PGBD2: variants seen among roughly 807,000 people sequenced by gnomAD.
PGBD2 encodes piggyBac transposable element derived 2.
Under a neutral mutation model 8.1 loss-of-function variants are expected in PGBD2, and 6 were observed. That is an observed-to-expected ratio of 0.74 (90% CI 0.40 to 1.46). The LOEUF (loss-of-function observed/expected upper bound fraction) is 1.46. Ranked by LOEUF, PGBD2 falls within the 40% of genes most tolerant of loss-of-function variation. PGBD2 has a pLI of 0.02. For missense variants in PGBD2, 802 were observed against 739.0 expected (o/e 1.09, Z -0.99); for synonymous variants, 318 against 272.2 (o/e 1.17, Z -1.66).
chr1:248,899,681 CTA>C, the PGBD2 span, among the ~76,000 whole-genome samples: 1 of 151,202 alleles, frequency 6.6e-6, no homozygotes, highest in Non-Finnish European at 1.5e-5. Context: ...AAATAAAAAA[CTA>C]TCCCCAAAGC....
At chr1:248,904,403 T>C (rs895193802), upstream of PGBD2, among the ~76,000 whole-genome samples, 3 of 152,188 alleles carry the variant, frequency 2.0e-5, no homozygotes, top group Admixed American at 6.5e-5. Flanking sequence ...GCACTGAAAA[T>C]GTCTAGATGG....
intron 1 of PGBD2, chr1:248,912,894 C>T (rs1661957770): frequency 6.6e-6 from 1 of 151,326 alleles, no homozygotes; most frequent in Admixed American, 6.6e-5. Flanking sequence ...ACCTCGCCTC[C>T]TGGGTTCCAG....
chr1:248,874,324 G>T, the PGBD2 span, among the ~76,000 whole-genome samples: 12 of 152,172 alleles, frequency 7.9e-5, no homozygotes, highest in Non-Finnish European at 1.8e-4. Flanking sequence ...AGGAAAGTAA[G>T]CCGTTTTAAA....
intron 1 of PGBD2, among the ~76,000 whole-genome samples, chr1:248,910,919 TGA>T: frequency 6.6e-6 from 1 of 152,260 alleles, no homozygotes; most frequent in East Asian, 1.9e-4. Context: ...TGTAATTTGA[TGA>T]GTTTCGGCAT....
chr1:248,887,047 G>A, the PGBD2 span, among the ~76,000 whole-genome samples: 2 of 151,982 alleles, frequency 1.3e-5, no homozygotes, highest in African/African-American at 4.8e-5. Context: ...ATATGTATTT[G>A]TTATACACAC....
At chr1:248,881,766 TC>T in the PGBD2 span, among the ~76,000 whole-genome samples, 2 of 152,230 alleles carry the variant, frequency 1.3e-5, no homozygotes. Context: ...AGTTCTACAA[TC>T]TTTGCTGTTA....
downstream of PGBD2, chr1:248,919,432 GC>G (rs1460432086): frequency 6.0e-6 from 1 of 166,500 alleles, no homozygotes; most frequent in African/African-American, 2.4e-5. Context: ...TTTTTTTGTG[GC>G]TAAATATTAA....
chr1:248,881,249 T>C, the PGBD2 span, among the ~76,000 whole-genome samples: 1 of 152,322 alleles, frequency 6.6e-6, no homozygotes, highest in East Asian at 1.9e-4. Context: ...CAGGAGTCCC[T>C]GTATGTAAGT....
the PGBD2 span, among the ~76,000 whole-genome samples, chr1:248,925,570 CTTTT>C: frequency 7.5e-6 from 1 of 133,068 alleles, no homozygotes. Context: ...GCTACCATGA[CTTTT>C]TTTTTTTTTT....
chr1:248,918,176 CA>C lies in PGBD2; in HGVS notation c.1594del (p.Thr532HisfsTer18). 1.2e-6 allele frequency: 2 copies of C among 1,614,192 alleles called. No homozygotes were observed. Among genetic ancestry groups the C allele is most frequent in the Non-Finnish European group, 1.7e-6 (2 of 1,180,028 alleles). On this transcript the variant is annotated frameshift_variant, in exon 3 of 3. Transcript: ENST00000329291. LOFTEE classifies it high-confidence loss of function. Reference protein sequence around the residue: ...ACVYLESNADTTSQGRRSRRL... With the variant: ...ACVYLESNADXTSQGRRSRRL... ...GTGTATCTGGAGAGCAATGCTGACA[CA>C]ACATCTCAAGGGAGGCGAAGCAGGC...
rs975495785 is a variant in PGBD2 at position 248,906,263 on chromosome 1, C to G, written c.-127C>G. ...CGTTGCGCGGCCGCGACGCCCGACGCCAACGCAGGCGCAGCGCTCCGATTC... is the reference window on the plus strand; with the variant it reads ...CGTTGCGCGGCCGCGACGCCCGACGGCAACGCAGGCGCAGCGCTCCGATTC... On this transcript the variant is annotated 5_prime_UTR_variant, in exon 1 of 3. Transcript: ENST00000329291. The G allele has an allele frequency of 3.9e-5, 6 of 151,954 alleles. No homozygotes were observed. Among genetic ancestry groups the G allele is most frequent in the Non-Finnish European group, 8.8e-5 (6 of 68,004 alleles). The allele number at this position is 151,954 out of a possible 1,614,324, so 9.4% of individuals were successfully genotyped here. A position where few individuals can be genotyped will look rare whatever the true frequency, so the allele number is the denominator to read the frequency against.
downstream of PGBD2, among the ~76,000 whole-genome samples, chr1:248,921,454 G>A (rs528305666): frequency 6.6e-6 from 1 of 152,246 alleles, no homozygotes; most frequent in Non-Finnish European, 1.5e-5. Flanking sequence ...AGTAGATGTG[G>A]ATGTTGTTTC....
chr1:248,886,059 T>C, the PGBD2 span, among the ~76,000 whole-genome samples: 10 of 152,342 alleles, frequency 6.6e-5, no homozygotes, highest in African/African-American at 2.4e-4. Context: ...ACGTGTCTTA[T>C]GATATTTTGT....
intron 2 of PGBD2, among the ~76,000 whole-genome samples, chr1:248,915,283 G>T (rs1231763955): frequency 1.3e-5 from 2 of 152,240 alleles, no homozygotes; most frequent in African/African-American, 4.8e-5. Flanking sequence ...CAAGTACAGA[G>T]AGTCTCCCAC....
At chr1:248,907,601 C>T (rs538734979) in intron 1 of PGBD2, among the ~76,000 whole-genome samples, 2 of 152,296 alleles carry the variant, frequency 1.3e-5, no homozygotes, top group East Asian at 1.9e-4. Context: ...TGTGGCTTTT[C>T]ATGGTGCATT....
At chr1:248,907,288 G>A (rs949577009) in intron 1 of PGBD2, among the ~76,000 whole-genome samples, 1 of 152,150 alleles carries the variant, frequency 6.6e-6, no homozygotes, top group South Asian at 2.1e-4. Flanking sequence ...AGAATAACAG[G>A]GCAGCATTGC....
chr1:248,892,696 A>G, the PGBD2 span, among the ~76,000 whole-genome samples: 1 of 152,182 alleles, frequency 6.6e-6, no homozygotes, highest in Non-Finnish European at 1.5e-5. Flanking sequence ...AGCCCTTGGA[A>G]TATCCTGCCT....
the PGBD2 span, among the ~76,000 whole-genome samples, chr1:248,926,445 G>A: frequency 6.6e-6 from 1 of 152,132 alleles, no homozygotes; most frequent in Admixed American, 6.5e-5. Flanking sequence ...TGGACAAAAT[G>A]GGCCTCCAGG....
the PGBD2 span, among the ~76,000 whole-genome samples, chr1:248,881,959 G>T: frequency 3.3e-5 from 5 of 152,154 alleles, no homozygotes; most frequent in Non-Finnish European, 7.3e-5. Context: ...CTTATAATTT[G>T]GGTGAGCAGT....
Sources: allele counts gnomAD v4.1 joint callset (sites outside exome capture counted in the v4.1 genomes callset), GRCh38; gene constraint gnomAD v4.1.1; transcripts MANE v1.5; gene names NCBI Gene and HGNC (gene_info 2026-07-23, HGNC 2026-07-21).